ARMC9: variants seen among roughly 807,000 people sequenced by gnomAD.
ARMC9 encodes armadillo repeat containing 9.
In ARMC9, 94 loss-of-function variants were observed where a neutral mutation model predicts 107.0. The observed-to-expected ratio is 0.88, with a 90% CI of 0.74 to 1.04. The LOEUF is 1.04. ARMC9 is among the 50% of genes least tolerant of loss of function. The probability of loss-of-function intolerance (pLI) is 0.00; values close to 1 mark genes in which losing one functional copy is unlikely to be tolerated. For synonymous variants in ARMC9, 380 were observed against 396.9 expected (o/e 0.96, Z 0.51); for missense variants, 942 against 1,030.1 (o/e 0.91, Z 1.17).
chr2:231,329,446 A>T (rs1423551507), intron 19 of ARMC9, among the ~76,000 whole-genome samples: 1 of 152,040 alleles, frequency 6.6e-6, no homozygotes, highest in African/African-American at 2.4e-5. Context: ...AGTAGCTGGG[A>T]TTACAGGCAT....
intron 12 of ARMC9, among the ~76,000 whole-genome samples, chr2:231,268,377 G>A (rs770617844): frequency 6.6e-5 from 10 of 152,180 alleles, no homozygotes; most frequent in Non-Finnish European, 1.3e-4. Context: ...GGGTGTAATG[G>A]TAATAGGCAT....
In ARMC9 at chr2:231,281,095, A is replaced by G. The variant is rs571391917; in HGVS notation, c.1552-964A>G. On this transcript the variant is annotated intron_variant, in intron 16 of 24. Coordinates refer to ENST00000611582, the MANE Select transcript of ARMC9 (RefSeq NM_001352754.2). The stretch of plus-strand genomic sequence containing the variant: ...GCCATGCTCCATGTCCCATGTGTGC[A>G]AGTAAAACATGGGTCCTGTCTTCAA... Among the ~76,000 whole-genome samples, 89 of 152,322 alleles carry G rather than the reference A, an allele frequency of 5.8e-4. 1 individual carries two copies. The highest frequency in any genetic ancestry group is 2.0e-3 in the African/African-American group (83 of 41,560).
intron 22 of ARMC9, among the ~76,000 whole-genome samples, chr2:231,359,538 C>T (rs975871071): frequency 6.6e-6 from 1 of 152,236 alleles, no homozygotes; most frequent in South Asian, 2.1e-4. Context: ...CACCCCGTCC[C>T]CTACGCTCAC....
intron 17 of ARMC9, among the ~76,000 whole-genome samples, 156 bp downstream of exon 17, chr2:231,282,289 G>A (rs890766317): frequency 3.3e-5 from 5 of 152,162 alleles, no homozygotes; most frequent in South Asian, 2.1e-4. Context: ...CCATTTCCTG[G>A]GGAGAGAGTC....
At chr2:231,343,700 C>T (rs1403489332) in intron 20 of ARMC9, among the ~76,000 whole-genome samples, 1 of 152,110 alleles carries the variant, frequency 6.6e-6, no homozygotes, top group East Asian at 1.9e-4. Flanking sequence ...ATTCTTAGTT[C>T]TACTGTCCTG....
chr2:231,208,224 T>G lies in ARMC9; in HGVS notation c.149T>G (p.Phe50Cys), dbSNP rs1346185514. The G allele has an allele frequency of 6.2e-7, 1 of 1,609,986 alleles. No individual in the cohort carries two copies. The highest frequency in any genetic ancestry group is 1.1e-5 in the South Asian group (1 of 89,986). The change falls in exon 3 of 25, where the codon TTC becomes TGC. Residue 50 changes from phenylalanine (F) to cysteine (C), a missense_variant. Transcript: ENST00000611582. ...KPLCKTVGGSFRDSKSLTIQK... is the reference protein window; with the variant it reads ...KPLCKTVGGSCRDSKSLTIQK... ...TTGTGTAAAACAGTAGGCGGATCTT[T>G]CAGAGACTCCAAATCATTGACAATT...
chr2:231,278,817 T>C (rs965650102), intron 16 of ARMC9, among the ~76,000 whole-genome samples: 2 of 152,208 alleles, frequency 1.3e-5, no homozygotes, highest in East Asian at 3.8e-4. Flanking sequence ...AAAAGAGATA[T>C]GATACTGTGT....
intron 5 of ARMC9, among the ~76,000 whole-genome samples, chr2:231,217,731 C>T (rs1326309827): frequency 1.3e-5 from 2 of 152,146 alleles, no homozygotes; most frequent in Non-Finnish European, 2.9e-5. Flanking sequence ...GGTTTTGTCG[C>T]CCAGGCTGGA....
At chr2:231,266,804 T>C (rs1194841824) in intron 12 of ARMC9, among the ~76,000 whole-genome samples, 1 of 152,250 alleles carries the variant, frequency 6.6e-6, no homozygotes, top group African/African-American at 2.4e-5. Context: ...GGCTAACATT[T>C]CATCATATGG....
chr2:231,339,424 A>G (rs1035482080), intron 20 of ARMC9, among the ~76,000 whole-genome samples: 1 of 152,158 alleles, frequency 6.6e-6, no homozygotes, highest in Admixed American at 6.5e-5. Context: ...GAAAATGTTT[A>G]TGTAAATTTT....
chr2:231,224,912 A>C (rs1467409165), intron 6 of ARMC9, among the ~76,000 whole-genome samples: 1 of 152,216 alleles, frequency 6.6e-6, no homozygotes, highest in African/African-American at 2.4e-5. Flanking sequence ...AGTGCCTGGG[A>C]AACTGAAATA....
At chr2:231,279,084 G>A (rs2039997393) in intron 16 of ARMC9, among the ~76,000 whole-genome samples, 1 of 152,172 alleles carries the variant, frequency 6.6e-6, no homozygotes, top group Non-Finnish European at 1.5e-5. Context: ...GGGAGCCTGT[G>A]CCAGAGCTTC....
chr2:231,360,734 CTT>C lies in ARMC9; in HGVS notation c.2132-18_2132-17del, dbSNP rs1380950745. 2 of 1,536,178 alleles carry C rather than the reference CTT, an allele frequency of 1.3e-6. No individual in the cohort carries two copies. Among genetic ancestry groups the C allele is most frequent in the Non-Finnish European group, 1.7e-6 (2 of 1,146,916 alleles). Reference sequence around the variant, plus strand: ...GGCTCCAGAGCAGATGTGGACTGAACTTTCTCTCCTCCTCCCCAGCAGCCATC... The same window carrying C: ...GGCTCCAGAGCAGATGTGGACTGAACTCTCTCCTCCTCCCCAGCAGCCATC... On this transcript the variant is annotated intron_variant, in intron 22 of 24. Coordinates refer to ENST00000611582, the MANE Select transcript of ARMC9 (RefSeq NM_001352754.2). The surrounding 1 kb of genome is among the most constrained non-coding windows in gnomAD (Gnocchi z 4.7).
chr2:231,231,848 C>T (rs1038279310), intron 7 of ARMC9, among the ~76,000 whole-genome samples: 1 of 151,866 alleles, frequency 6.6e-6, no homozygotes, highest in Admixed American at 6.6e-5. Context: ...GCCACCATGC[C>T]CTGCTAATTT....
At chr2:231,259,229 C>T (rs2038115668) in intron 11 of ARMC9, 127 bp downstream of exon 11, 1 of 821,120 alleles carries the variant, frequency 1.2e-6, no homozygotes, top group Admixed American at 2.9e-5. Context: ...CTGCTGACAC[C>T]AAGAACGGAA....
chr2:231,329,936 G>A (rs1257997208), intron 19 of ARMC9, among the ~76,000 whole-genome samples: 1 of 152,018 alleles, frequency 6.6e-6, no homozygotes, highest in Admixed American at 6.6e-5. Flanking sequence ...GCTTTTATTT[G>A]CTTTTCTTGC....
intron 19 of ARMC9, among the ~76,000 whole-genome samples, chr2:231,320,987 T>C (rs1321824377): frequency 6.6e-6 from 1 of 152,240 alleles, no homozygotes; most frequent in Non-Finnish European, 1.5e-5. Context: ...GTTCAGAAGC[T>C]AACTCCCTGT....
At chr2:231,250,522 G>T (rs1206321563) in intron 9 of ARMC9, among the ~76,000 whole-genome samples, 1 of 152,184 alleles carries the variant, frequency 6.6e-6, no homozygotes, top group Non-Finnish European at 1.5e-5. Context: ...TGCAGAGAAC[G>T]CAGGGGATGC....
chr2:231,217,729 C>T (rs959948395), intron 5 of ARMC9, among the ~76,000 whole-genome samples: 15 of 152,218 alleles, frequency 9.9e-5, no homozygotes, highest in African/African-American at 2.9e-4. Context: ...TTGGTTTTGT[C>T]GCCCAGGCTG....
Sources: gnomAD v4.1 joint callset for allele counts (sites outside exome capture counted in the v4.1 genomes callset) on GRCh38, gnomAD v4.1.1 for gene constraint, Gnocchi (gnomAD v3.1) non-coding constraint, MANE v1.5 for transcripts, NCBI Gene and HGNC (gene_info 2026-07-23, HGNC 2026-07-21) for gene names.